HNF1A: variants seen among roughly 807,000 people sequenced by gnomAD.
HNF1A encodes hepatocyte nuclear factor 1-alpha.
A neutral mutation model predicts 62.2 loss-of-function variants in HNF1A; 21 were observed. The observed-to-expected ratio is 0.34, with a 90% CI of 0.24 to 0.49. The LOEUF is 0.49. Among genes scored for constraint, HNF1A ranks in the 20% least tolerant of loss-of-function variants. The pLI is 0.99. For missense variants in HNF1A, 687 were observed against 832.3 expected (o/e 0.83, Z 2.15); for synonymous variants, 374 against 366.8 (o/e 1.02, Z -0.22).
intron 1 of HNF1A, among the ~76,000 whole-genome samples, chr12:120,980,258 C>T (rs1457789679): frequency 3.9e-5 from 6 of 152,086 alleles, no homozygotes; most frequent in South Asian, 4.2e-4. Context: ...TTGCTATGAC[C>T]GGGGACCAGA....
chr12:120,994,056 G>A, intron 3 of HNF1A, 108 bp from the exon 4 acceptor site: 1 of 1,482,862 alleles, frequency 6.7e-7, no homozygotes, highest in South Asian at 1.2e-5. Flanking sequence ...AGATCTGCCA[G>A]CCTCAAACCC....
At chr12:120,993,134 C>T (rs1876914029) in intron 2 of HNF1A, among the ~76,000 whole-genome samples, 1 of 152,222 alleles carries the variant, frequency 6.6e-6, no homozygotes, top group Admixed American at 6.5e-5. Context: ...TTTTGCTCTA[C>T]TGCGTGACTC....
At chr12:120,981,992 C>G (rs531175610) in intron 1 of HNF1A, among the ~76,000 whole-genome samples, 1 of 152,282 alleles carries the variant, frequency 6.6e-6, no homozygotes, top group South Asian at 2.1e-4. Context: ...AAACTGGGAC[C>G]CAGAGTTCCT....
At position 121,001,636 on chromosome 12, in the gene HNF1A, G is replaced by C. The variant is rs993469480; in HGVS notation, c.*444G>C. The C allele has an allele frequency of 9.0e-6, 4 of 444,278 alleles. No homozygotes were observed. The highest frequency in any genetic ancestry group is 1.7e-5 in the Non-Finnish European group (4 of 232,072). The allele number at this position is 444,278 out of a possible 1,614,324, so 27.5% of individuals were successfully genotyped here. A position where few individuals can be genotyped will look rare whatever the true frequency, so the allele number is the denominator to read the frequency against. ...CTGAGCTCTGAGAGGCCCTGGATCA[G>C]CGTGGCCTTGTTCTGTCACCAATGT... On this transcript the variant is annotated 3_prime_UTR_variant, in exon 10 of 10. Transcript: ENST00000257555.
intron 1 of HNF1A, among the ~76,000 whole-genome samples, chr12:120,986,105 C>T (rs967171832): frequency 2.0e-5 from 3 of 152,144 alleles, no homozygotes; most frequent in Non-Finnish European, 2.9e-5. Flanking sequence ...CCCAGCACCC[C>T]GTTCTCCTCT....
At chr12:120,999,440 C>A (rs550558615) in intron 8 of HNF1A, 43 bp from the exon 9 acceptor site, 1 of 1,613,412 alleles carries the variant, frequency 6.2e-7, no homozygotes, top group Non-Finnish European at 8.5e-7. Flanking sequence ...GAGCCCCTCA[C>A]CCCCACATCC....
In HNF1A at chr12:120,994,350, C is replaced by A. The variant is rs762555237; in HGVS notation, c.900C>A (p.Pro300=). The part of the protein sequence containing the change: ...PPGPGPGPAL[P]AHSSPGLPPP... Reference sequence around the variant, plus strand: ...GGCCAGGCCCGGGACCTGCGCTGCCCGCTCACAGCTCCCCTGGCCTGCCTC... The same window carrying A: ...GGCCAGGCCCGGGACCTGCGCTGCCAGCTCACAGCTCCCCTGGCCTGCCTC... The change falls in exon 4 of 10, where the codon CCC becomes CCA. Residue 300 remains proline (P), a synonymous_variant. Coordinates refer to ENST00000257555, the MANE Select transcript of HNF1A (RefSeq NM_000545.8). The A allele has an allele frequency of 6.2e-7, 1 of 1,601,602 alleles. No homozygotes were observed. Among genetic ancestry groups the A allele is most frequent in the East Asian group, 2.2e-5 (1 of 44,506 alleles).
At chr12:120,993,008 G>A (rs938361130) in intron 2 of HNF1A, among the ~76,000 whole-genome samples, 1 of 152,198 alleles carries the variant, frequency 6.6e-6, no homozygotes, top group Non-Finnish European at 1.5e-5. Context: ...AGTGGTACCA[G>A]CTGATGAAGG....
rs377243343 is a variant in HNF1A at position 120,996,682 on chromosome 12, G to T, written c.1249G>T (p.Gly417Cys). 3 of 1,613,974 alleles carry T rather than the reference G, an allele frequency of 1.9e-6. No homozygotes were observed. Among genetic ancestry groups the T allele is most frequent in the Non-Finnish European group, 2.5e-6 (3 of 1,180,032 alleles). ...SLPGVMTIGP[G>C]EPASLGPTFT... ...TCCTGGGGTCATGACCATCGGGCCT[G>T]GTGAGCCTGCCTCCCTGGGTCCTAC... The change falls in exon 6 of 10, where the codon GGT becomes TGT. Residue 417 changes from glycine (G) to cysteine (C), a missense_variant. Around this residue, in one of 5 missense-constraint regions of HNF1A, gnomAD observed 408 missense variants for 455.3 expected, o/e 0.90. Transcript: ENST00000257555. This position sits in a 1 kb window ranked among gnomAD's most constrained non-coding sequence, Gnocchi z 4.5.
intron 1 of HNF1A, among the ~76,000 whole-genome samples, chr12:120,987,062 C>G (rs1175284656): frequency 1.3e-5 from 2 of 152,170 alleles, no homozygotes; most frequent in Non-Finnish European, 2.9e-5. Flanking sequence ...GGCATCAGGT[C>G]CCTTTGAGTC....
At chr12:120,986,266 C>A (rs1204624493) in intron 1 of HNF1A, among the ~76,000 whole-genome samples, 1 of 152,178 alleles carries the variant, frequency 6.6e-6, no homozygotes, top group Non-Finnish European at 1.5e-5. Context: ...CCTGGGCACA[C>A]AGAGCTTCCT....
intron 1 of HNF1A, among the ~76,000 whole-genome samples, chr12:120,988,463 T>C (rs1876641236): frequency 6.6e-6 from 1 of 151,978 alleles, no homozygotes; most frequent in African/African-American, 2.4e-5. Flanking sequence ...CATCCACCCA[T>C]TCATCCATTC....
In HNF1A at chr12:121,002,139, C is replaced by A. The variant is rs567256607; in HGVS notation, c.*947C>A. The A allele has an allele frequency of 1.9e-6, 1 of 517,680 alleles. No individual in the cohort carries two copies. The highest frequency in any genetic ancestry group is 1.6e-5 in the South Asian group (1 of 62,700). The allele number at this position is 517,680 out of a possible 1,614,324, so 32.1% of individuals were successfully genotyped here. ...GCAAGGCCCGAGCAGCTGAGCAGGG[C>A]CGGGGAACTGGCCAAGCTGAGGTGC... On this transcript the variant is annotated 3_prime_UTR_variant, in exon 10 of 10. Coordinates refer to ENST00000257555, the MANE Select transcript of HNF1A (RefSeq NM_000545.8).
At chr12:120,981,652 T>C (rs1316016292) in intron 1 of HNF1A, among the ~76,000 whole-genome samples, 1 of 152,192 alleles carries the variant, frequency 6.6e-6, no homozygotes, top group African/African-American at 2.4e-5. Context: ...GATCTTCCCA[T>C]GGCCGATTCC....
intron 6 of HNF1A, chr12:120,997,114 C>T: frequency 2.1e-6 from 3 of 1,404,168 alleles, no homozygotes; most frequent in Non-Finnish European, 2.8e-6. Context: ...ATGCAGAAGC[C>T]CAGTACATAA....
rs566781319 is a variant in HNF1A at position 121,000,121 on chromosome 12, C to T, written c.1768+494C>T. Among the ~76,000 whole-genome samples, 110 of 152,318 alleles carry T rather than the reference C, an allele frequency of 7.2e-4. 1 individual carries two copies. The highest frequency in any genetic ancestry group is 2.6e-3 in the African/African-American group (107 of 41,580). ...TCACTGCATCCACTCACATCGGCTC[C>T]AATGACCCCTGGCGGTGGGGCGGTC... On this transcript the variant is annotated intron_variant, in intron 9 of 9. Transcript: ENST00000257555.
intron 7 of HNF1A, chr12:120,997,953 A>G (rs1877203710): frequency 3.2e-6 from 2 of 622,792 alleles, no homozygotes; most frequent in East Asian, 2.7e-5. Context: ...TCTTAGGGCC[A>G]TATGAATTTC....
chr12:120,979,166 C>G (rs989331125), intron 1 of HNF1A, 72 bp downstream of exon 1: 13 of 1,378,082 alleles, frequency 9.4e-6, no homozygotes, highest in South Asian at 3.7e-5. Flanking sequence ...AACGAGCCCC[C>G]CTTCTGAGTT....
In HNF1A at chr12:120,979,008, C is replaced by A. The variant is rs1206317960; in HGVS notation, c.240C>A (p.Asp80Glu). 1 of 1,610,060 alleles carries A rather than the reference C, an allele frequency of 6.2e-7. No homozygotes were observed. The highest frequency in any genetic ancestry group is 2.2e-5 in the East Asian group (1 of 44,770). Residue 80 changes from aspartate to glutamate, a missense_variant, in exon 1 of 10, where the codon GAC becomes GAA. This residue lies in a region of HNF1A where 159 missense variants were observed against 154.4 expected (regional missense o/e 1.03). Transcript: ENST00000257555. ...SEDETDDDGE[D>E]FTPPILKELE... ...ACGAGACGGACGACGATGGGGAAGA[C>A]TTCACGCCACCCATCCTCAAAGAGC... is the stretch of plus-strand genomic sequence containing the variant.
Sources: allele counts gnomAD v4.1 joint callset (sites outside exome capture counted in the v4.1 genomes callset), GRCh38; gene constraint gnomAD v4.1.1; regional missense constraint gnomAD v4.1.1; non-coding constraint Gnocchi (gnomAD v3.1); transcripts MANE v1.5; gene names NCBI Gene and HGNC (gene_info 2026-07-23, HGNC 2026-07-21).